The following TBPL2 variants were observed in gnomAD, a reference collection of about 807,000 sequenced individuals.
TBPL2 encodes the protein TATA box-binding protein-like 2.
Under a neutral mutation model 38.2 loss-of-function variants are expected in TBPL2, and 40 were observed. That is an observed-to-expected ratio of 1.05 (90% CI 0.81 to 1.36). The LOEUF is 1.36. Among genes scored for constraint, TBPL2 ranks in the 40% most tolerant of loss-of-function variants. The pLI is 0.00. For missense variants in TBPL2, 461 were observed against 456.7 expected, an observed-to-expected ratio of 1.01 and a Z score of -0.09; for synonymous variants, 169 against 171.7, an observed-to-expected ratio of 0.98 and a Z score of 0.12.
Position 55,418,585 on chromosome 14 carries a change from C to G in TBPL2, c.1052-4130G>C, listed in dbSNP as rs376404233. Among the ~76,000 whole-genome samples, 24 of 152,278 alleles carry G rather than the reference C, an allele frequency of 1.6e-4. 1 individual carries two copies. Among genetic ancestry groups the G allele is most frequent in the African/African-American group, 5.5e-4 (23 of 41,546 alleles). On this transcript the variant is annotated intron_variant, in intron 6 of 6. Coordinates refer to ENST00000247219, the Ensembl canonical transcript of TBPL2. The stretch of plus-strand genomic sequence containing the variant: ...GGCACATCCTGTCGTGTCTCTGGCC[C>G]ACTCACTAACAAGTCTTGGCATTTT...
chr14:55,440,133 C>T (rs1446927381), intron 1 of TBPL2, among the ~76,000 whole-genome samples: 7 of 151,010 alleles, frequency 4.6e-5, no homozygotes, highest in Non-Finnish European at 7.4e-5. Flanking sequence ...AATCAAAAAC[C>T]AGAACAACCT....
At position 55,422,439 on chromosome 14, in the gene TBPL2, C is replaced by T. The variant is rs150102217; in HGVS notation, c.1051+1720G>A. ...TTTTTTTTTGTATTTTTAGTAGAGACAGGGTTTCACCATGTTGGCCAGGCT... is the reference window on the plus strand; with the variant it reads ...TTTTTTTTTGTATTTTTAGTAGAGATAGGGTTTCACCATGTTGGCCAGGCT... On this transcript the variant is annotated intron_variant, in intron 6 of 6. Coordinates refer to ENST00000247219, the Ensembl canonical transcript of TBPL2. Among the ~76,000 whole-genome samples, 218 of 152,150 alleles carry T rather than the reference C, an allele frequency of 1.4e-3. 9 individuals carry two copies. In the East Asian group the frequency reaches 0.041, roughly 28 times the overall value.
intron 5 of TBPL2, among the ~76,000 whole-genome samples, chr14:55,424,748 A>C (rs75915216): frequency 6.6e-6 from 1 of 152,228 alleles, no homozygotes; most frequent in Non-Finnish European, 1.5e-5. Context: ...ATAAATAAAG[A>C]AAATCCAATT....
intron 6 of TBPL2, among the ~76,000 whole-genome samples, chr14:55,419,586 A>G (rs559966587): frequency 6.6e-6 from 1 of 152,348 alleles, no homozygotes; most frequent in South Asian, 2.1e-4. Context: ...CAGGACCATG[A>G]CAGTAGAACA....
intron 5 of TBPL2, among the ~76,000 whole-genome samples, chr14:55,427,554 CCA>C (rs1270472556): frequency 1.3e-5 from 2 of 152,058 alleles, no homozygotes; most frequent in Non-Finnish European, 2.9e-5. Flanking sequence ...AACTTCAGTT[CCA>C]GCTTGGCCAA....
chr14:55,437,093 TGGCA>T lies in TBPL2; in HGVS notation c.151-79_151-76del, dbSNP rs1462083989. 53 of 1,325,430 alleles carry T rather than the reference TGGCA, an allele frequency of 4.0e-5. No homozygotes were observed. The South Asian group carries it at 4.8e-4, about 12-fold the overall frequency. The allele number at this position is 1,325,430 out of a possible 1,614,324, so 82.1% of individuals were successfully genotyped here. ...ATGTTACACAAAAGGGATGTCACTA[TGGCA>T]GGCAGGCAGGCAATGTATTCAGTGT... On this transcript the variant is annotated intron_variant, in intron 1 of 6. Transcript: ENST00000247219.
chr14:55,433,844 T>A (rs1469371743), intron 3 of TBPL2, 123 bp from the exon 4 acceptor site: 1 of 750,774 alleles, frequency 1.3e-6, no homozygotes, highest in Non-Finnish European at 2.1e-6. Flanking sequence ...TGTCTGGGTC[T>A]TTTCTCCCTA....
At chr14:55,439,618 C>CCCCCCCCCCGCT (rs1555344751) in intron 1 of TBPL2, among the ~76,000 whole-genome samples, 1 of 60,242 alleles carries the variant, frequency 1.7e-5, no homozygotes, top group Non-Finnish European at 3.2e-5. Flanking sequence ...AAGCAAACCC[C>CCCCCCCCCCGCT]CCCCCGTCTC....
chr14:55,426,046 C>T (rs370115017), intron 5 of TBPL2, among the ~76,000 whole-genome samples: 5 of 152,098 alleles, frequency 3.3e-5, no homozygotes, highest in South Asian at 4.2e-4. Context: ...GTGGGTGGAT[C>T]GCCTGAGGTC....
chr14:55,424,127 TTTA>T (rs749272682), intron 6 of TBPL2, 29 bp downstream of exon 6: 1 of 1,512,982 alleles, frequency 6.6e-7, no homozygotes. Context: ...GCAATTACAT[TTTA>T]TGAGTCAGAA....
chr14:55,437,379 G>A (rs983885898), intron 1 of TBPL2, among the ~76,000 whole-genome samples: 2 of 152,262 alleles, frequency 1.3e-5, no homozygotes, highest in East Asian at 3.8e-4. Flanking sequence ...TGGGGAGGCT[G>A]AGGCATGAGA....
At chr14:55,419,734 A>G (rs1245666752) in intron 6 of TBPL2, among the ~76,000 whole-genome samples, 1 of 152,232 alleles carries the variant, frequency 6.6e-6, no homozygotes, top group Non-Finnish European at 1.5e-5. Flanking sequence ...AAGACCTGCA[A>G]ATGGCATGAT....
chr14:55,422,967 AAATTATTTAAAAAAAAGCC>A (rs1384942566), intron 6 of TBPL2, among the ~76,000 whole-genome samples: 1 of 152,190 alleles, frequency 6.6e-6, no homozygotes, highest in Non-Finnish European at 1.5e-5. Context: ...ATTTATGCAA[AAATTATTTAAAAAAAAGCC>A]AACAGGAAAA....
intron 3 of TBPL2, among the ~76,000 whole-genome samples, chr14:55,434,407 G>C (rs2140178330): frequency 6.6e-6 from 1 of 152,246 alleles, no homozygotes; most frequent in East Asian, 1.9e-4. Flanking sequence ...CTCCTACACA[G>C]ATAGTCTCTT....
At chr14:55,420,226 A>G (rs909741625) in intron 6 of TBPL2, among the ~76,000 whole-genome samples, 1 of 152,186 alleles carries the variant, frequency 6.6e-6, no homozygotes, top group Non-Finnish European at 1.5e-5. Flanking sequence ...ACGCACCACA[A>G]TGCCCGGCTA....
intron 1 of TBPL2, among the ~76,000 whole-genome samples, chr14:55,437,386 G>C (rs909737062): frequency 3.9e-5 from 6 of 152,240 alleles, no homozygotes; most frequent in Admixed American, 1.3e-4. Flanking sequence ...GCTGAGGCAT[G>C]AGAATCTCTT....
At chr14:55,420,542 C>T (rs1171221710) in intron 6 of TBPL2, among the ~76,000 whole-genome samples, 1 of 152,156 alleles carries the variant, frequency 6.6e-6, no homozygotes, top group African/African-American at 2.4e-5. Flanking sequence ...AGTAGTAAGT[C>T]ATGGATTAAC....
intron 5 of TBPL2, among the ~76,000 whole-genome samples, chr14:55,426,877 G>C (rs1280356816): frequency 6.6e-6 from 1 of 152,190 alleles, no homozygotes; most frequent in Non-Finnish European, 1.5e-5. Context: ...ACCTATTCTA[G>C]ACTTAGATCT....
intron 4 of TBPL2, among the ~76,000 whole-genome samples, chr14:55,433,035 T>TA (rs371354047): frequency 6.6e-6 from 1 of 152,112 alleles, no homozygotes; most frequent in African/African-American, 2.4e-5. Context: ...TACTGTAACT[T>TA]AAAAAAAATT....
Sources: gnomAD v4.1 joint callset for allele counts (sites outside exome capture counted in the v4.1 genomes callset) on GRCh38, gnomAD v4.1.1 for gene constraint, MANE v1.5 for transcripts, NCBI Gene and HGNC (gene_info 2026-07-23, HGNC 2026-07-21) for gene names.